The following LATS2 variants were observed in gnomAD, a reference collection of about 807,000 sequenced individuals.
LATS2 encodes the protein large tumor suppressor kinase 2, also known as serine/threonine-protein kinase LATS2.
LATS2 carries 24 observed loss-of-function variants against 76.0 expected under a neutral mutation model. The observed-to-expected ratio is 0.32, with a 90% CI of 0.23 to 0.44. The LOEUF (loss-of-function observed/expected upper bound fraction) is 0.44. Ranked by LOEUF, LATS2 falls within the 20% of genes least tolerant of loss-of-function variation. The probability of loss-of-function intolerance (pLI) is 1.00; values close to 1 mark genes in which losing one functional copy is unlikely to be tolerated. For missense variants in LATS2, 1,286 were observed against 1,481.2 expected, an observed-to-expected ratio of 0.87 and a Z score of 2.16; for synonymous variants, 692 against 635.4, an observed-to-expected ratio of 1.09 and a Z score of -1.34.
At chr13:21,051,159 G>C (rs1786136719) in intron 1 of LATS2, among the ~76,000 whole-genome samples, 1 of 152,190 alleles carries the variant, frequency 6.6e-6, no homozygotes, top group African/African-American at 2.4e-5. Flanking sequence ...GACTGCACAT[G>C]CCCTCATATA....
chr13:20,987,455 G>A (rs1241813358), intron 4 of LATS2, among the ~76,000 whole-genome samples: 1 of 152,038 alleles, frequency 6.6e-6, no homozygotes, highest in East Asian at 1.9e-4. Context: ...AGAATAAATG[G>A]AATCACTACT....
At chr13:21,028,031 T>G (rs1055404000) in intron 2 of LATS2, among the ~76,000 whole-genome samples, 1 of 152,128 alleles carries the variant, frequency 6.6e-6, no homozygotes, top group African/African-American at 2.4e-5. Context: ...CTGCACCCAT[T>G]AACTCGTCAT....
intron 1 of LATS2, among the ~76,000 whole-genome samples, chr13:21,052,833 G>C (rs1240668111): frequency 6.6e-6 from 1 of 152,218 alleles, no homozygotes; most frequent in African/African-American, 2.4e-5. Context: ...TCAAGATGCT[G>C]ACTGCGGCTC....
At chr13:21,008,373 G>A (rs1021038640) in intron 2 of LATS2, among the ~76,000 whole-genome samples, 1 of 151,904 alleles carries the variant, frequency 6.6e-6, no homozygotes. Context: ...GGGGCAGCCC[G>A]CTGGGTGGTG....
In LATS2 at chr13:20,983,240, G is replaced by C. The variant is rs139454181; in HGVS notation, c.2466C>G (p.Ser822=). The C allele has an allele frequency of 1.0e-3, 1,671 of 1,610,592 alleles. 6 individuals are homozygous for C. In the Middle Eastern group the frequency reaches 0.011, roughly 11 times the overall value. ...LCTGFRWTHN[S]KYYQKGSHVR... ...AGACAATACCTTTCTGGTAATATTT[G>C]GAATTGTGAGTCCACCTGAACCCAG... The change falls in exon 5 of 8, where the codon TCC becomes TCG. Residue 822 remains serine (S), a synonymous_variant. Coordinates refer to ENST00000382592, the MANE Select transcript of LATS2 (RefSeq NM_014572.3).
chr13:20,992,958 C>T (rs1383560164), intron 2 of LATS2, among the ~76,000 whole-genome samples: 1 of 149,060 alleles, frequency 6.7e-6, no homozygotes, highest in Non-Finnish European at 1.5e-5. Flanking sequence ...TTGCTTGAAA[C>T]CTGGGAGGTG....
intron 2 of LATS2, among the ~76,000 whole-genome samples, chr13:21,012,720 G>A (rs1007291646): frequency 1.3e-5 from 2 of 152,104 alleles, no homozygotes; most frequent in African/African-American, 2.4e-5. Context: ...AGAGGAAGAT[G>A]GAATGAACAG....
rs1244344584 is a variant in LATS2 at position 20,983,273 on chromosome 13, G to C, written c.2433C>G (p.Gly811=). ...LDGHIKLTDF[G]LCTGFRWTHN... is the part of the protein sequence containing the mutation. ...GAGTCCACCTGAACCCAGTGCAGAG[G>C]CCGAAATCTGTGAGTTTAATGTGAC... The change falls in exon 5 of 8, where the codon GGC becomes GGG. Residue 811 remains glycine, a synonymous_variant. Transcript: ENST00000382592. 1.2e-6 allele frequency: 2 copies of C among 1,613,952 alleles called. No individual in the cohort carries two copies. The highest frequency in any genetic ancestry group is 1.7e-6 in the Non-Finnish European group (2 of 1,179,994).
At chr13:20,987,367 A>C (rs1265565106) in intron 4 of LATS2, among the ~76,000 whole-genome samples, 1 of 152,210 alleles carries the variant, frequency 6.6e-6, no homozygotes, top group African/African-American at 2.4e-5. Flanking sequence ...AAATAGTTTC[A>C]TCAATAATTA....
chr13:21,028,265 T>A (rs1040918541), intron 2 of LATS2, among the ~76,000 whole-genome samples: 1 of 152,194 alleles, frequency 6.6e-6, no homozygotes, highest in Admixed American at 6.5e-5. Flanking sequence ...GAACTCATCA[T>A]TTTTTATGGC....
At chr13:21,013,274 T>C (rs1480464701) in intron 2 of LATS2, among the ~76,000 whole-genome samples, 1 of 152,372 alleles carries the variant, frequency 6.6e-6, no homozygotes, top group East Asian at 1.9e-4. Context: ...CAGCCTTGCA[T>C]GTTCTGCCCA....
At chr13:21,050,143 G>GATACATACATACATACATAC (rs1300323573) in intron 1 of LATS2, among the ~76,000 whole-genome samples, 1 of 14,872 alleles carries the variant, frequency 6.7e-5, no homozygotes, top group African/African-American at 9.4e-5. Context: ...TAGATAGATA[G>GATACATACATACATACATAC]ATAGATACAT....
At chr13:21,003,686 G>C (rs111572872) in intron 2 of LATS2, among the ~76,000 whole-genome samples, 4,712 of 151,924 alleles carry the variant, frequency 0.031, 101 homozygotes, top group Non-Finnish European at 0.049. Context: ...AAGTGATCCA[G>C]CCACCTCGGC....
Position 20,988,112 on chromosome 13 carries a change from C to G in LATS2, c.1668G>C (p.Lys556Asn), listed in dbSNP as rs1464011020. ...AGPNEPEGGD[K>N]SRKSAKGDKG... Reference sequence around the variant, plus strand: ...TGTCCCCCTTGGCGCTTTTGCGGCTCTTGTCGCCGCCCTCGGGCTCGTTGG... The same window carrying G: ...TGTCCCCCTTGGCGCTTTTGCGGCTGTTGTCGCCGCCCTCGGGCTCGTTGG... The change falls in exon 4 of 8, where the codon AAG becomes AAC. Residue 556 changes from lysine to asparagine, a missense_variant. Around this residue, in one of 5 missense-constraint regions of LATS2, gnomAD observed 710 missense variants for 660.9 expected, o/e 1.07. Transcript: ENST00000382592. 13 of 1,614,126 alleles carry G rather than the reference C, an allele frequency of 8.1e-6. No individual in the cohort carries two copies. Among genetic ancestry groups the G allele is most frequent in the Non-Finnish European group, 1.0e-5 (12 of 1,180,050 alleles).
intron 2 of LATS2, among the ~76,000 whole-genome samples, chr13:20,992,969 G>A (rs1678853945): frequency 1.3e-5 from 2 of 150,878 alleles, no homozygotes; most frequent in South Asian, 4.2e-4. Flanking sequence ...CTGGGAGGTG[G>A]AGGCTGCAGT....
intron 2 of LATS2, among the ~76,000 whole-genome samples, chr13:20,994,416 T>A (rs1169443425): frequency 2.6e-5 from 4 of 152,202 alleles, no homozygotes; most frequent in African/African-American, 9.6e-5. Flanking sequence ...GGGAATCCAC[T>A]TCTAAATCCA....
Position 21,046,164 on chromosome 13 carries a change from C to T in LATS2, c.-138G>A. The T allele has an allele frequency of 1.4e-6, 1 of 708,740 alleles. No individual in the cohort carries two copies. Among genetic ancestry groups the T allele is most frequent in the Non-Finnish European group, 2.2e-6 (1 of 444,992 alleles). 43.9% of individuals were successfully genotyped at this position (708,740 alleles called of 1,614,324 possible). Reference sequence around the variant, plus strand: ...TTCCTTTTGAAAATGTTCTTTCCTTCCATTTTTGTAGTTCCTATAGAGAAC... The same window carrying T: ...TTCCTTTTGAAAATGTTCTTTCCTTTCATTTTTGTAGTTCCTATAGAGAAC... On this transcript the variant is annotated 5_prime_UTR_variant, in exon 2 of 8. Transcript: ENST00000382592.
At chr13:21,010,252 T>C (rs1481115955) in intron 2 of LATS2, among the ~76,000 whole-genome samples, 1 of 149,472 alleles carries the variant, frequency 6.7e-6, no homozygotes, top group Non-Finnish European at 1.5e-5. Flanking sequence ...ACACAGAGAG[T>C]TAAGTGAGCA....
At chr13:21,027,327 A>T (rs1049812205) in intron 2 of LATS2, among the ~76,000 whole-genome samples, 11 of 152,218 alleles carry the variant, frequency 7.2e-5, no homozygotes, top group African/African-American at 2.6e-4. Context: ...TTTTCCCCAA[A>T]GTTTTTAGCT....
Sources: allele counts gnomAD v4.1 joint callset (sites outside exome capture counted in the v4.1 genomes callset), GRCh38; gene constraint gnomAD v4.1.1; regional missense constraint gnomAD v4.1.1; transcripts MANE v1.5; gene names NCBI Gene and HGNC (gene_info 2026-07-23, HGNC 2026-07-21).